Variants in CACNA1C observed in about 807,000 individuals in gnomAD.
CACNA1C encodes calcium voltage-gated channel subunit alpha1 C.
A neutral mutation model predicts 229.0 loss-of-function variants in CACNA1C; 30 were observed. That is an observed-to-expected ratio of 0.13 (90% CI 0.10 to 0.18). The LOEUF is 0.18. Ranked by LOEUF, CACNA1C falls within the 10% of genes least tolerant of loss-of-function variation. The probability of loss-of-function intolerance (pLI) is 1.00; values close to 1 mark genes in which losing one functional copy is unlikely to be tolerated. For synonymous variants in CACNA1C, 1,114 were observed against 1,132.5 expected (o/e 0.98, Z 0.33); for missense variants, 1,658 against 2,845.0 (o/e 0.58, Z 9.49).
intron 8 of CACNA1C, among the ~76,000 whole-genome samples, chr12:2,510,711 C>G (rs1480406255): frequency 6.6e-6 from 1 of 152,186 alleles, no homozygotes; most frequent in African/African-American, 2.4e-5. Context: ...CTCAAAAGAG[C>G]TGAAGTGAGC....
At chr12:2,530,913 C>G (rs1053044672) in intron 9 of CACNA1C, among the ~76,000 whole-genome samples, 4 of 152,312 alleles carry the variant, frequency 2.6e-5, no homozygotes, top group African/African-American at 9.6e-5. Flanking sequence ...TGCTGTATCC[C>G]TTCCAGTAAG....
At chr12:2,041,527 C>T (rs1299999758) in intron 1 of CACNA1C, among the ~76,000 whole-genome samples, 3 of 152,076 alleles carry the variant, frequency 2.0e-5, no homozygotes, top group Admixed American at 6.5e-5. Context: ...CTGCCCGCCT[C>T]GGCCTCCCAA....
intron 1 of CACNA1C, among the ~76,000 whole-genome samples, chr12:1,984,804 T>G (rs968899650): frequency 1.4e-4 from 18 of 130,796 alleles, no homozygotes; most frequent in Non-Finnish European, 2.3e-4. Context: ...AAAAAAAAGG[T>G]TCTTTTTATG....
chr12:2,380,219 GA>G (rs1301805053), intron 3 of CACNA1C, among the ~76,000 whole-genome samples: 12 of 152,060 alleles, frequency 7.9e-5, no homozygotes, highest in African/African-American at 2.9e-4. Context: ...CTGGAAGACA[GA>G]TGTCGTCCTG....
At chr12:2,631,895 C>T (rs979259331) in intron 29 of CACNA1C, among the ~76,000 whole-genome samples, 60 of 152,260 alleles carry the variant, frequency 3.9e-4, no homozygotes, top group African/African-American at 1.4e-3. Context: ...GTCTTTCGGT[C>T]CCTCTGGAAA....
At chr12:2,470,780 CCTAT>C (rs2099587384) in intron 5 of CACNA1C, among the ~76,000 whole-genome samples, 1 of 152,206 alleles carries the variant, frequency 6.6e-6, no homozygotes, top group Admixed American at 6.5e-5. Flanking sequence ...GGTCCAACTC[CCTAT>C]CTGTCTACCT....
intron 3 of CACNA1C, among the ~76,000 whole-genome samples, chr12:2,361,599 T>C (rs2097560403): frequency 6.6e-6 from 1 of 152,104 alleles, no homozygotes; most frequent in South Asian, 2.1e-4. Context: ...AAGCCAAGCA[T>C]TGAGGATGGC....
chr12:2,473,949 G>A (rs758219752), intron 5 of CACNA1C, among the ~76,000 whole-genome samples: 18 of 152,100 alleles, frequency 1.2e-4, no homozygotes, highest in Non-Finnish European at 2.6e-4. Flanking sequence ...CCGTAAGTTG[G>A]CAGCAATGAA....
intron 5 of CACNA1C, among the ~76,000 whole-genome samples, chr12:2,469,077 T>G (rs1258563648): frequency 6.6e-6 from 1 of 152,226 alleles, no homozygotes; most frequent in Non-Finnish European, 1.5e-5. Context: ...GCCATTTCTG[T>G]TGGGGGTACC....
intron 3 of CACNA1C, among the ~76,000 whole-genome samples, chr12:2,232,110 G>A (rs553726603): frequency 2.0e-5 from 3 of 151,290 alleles, no homozygotes; most frequent in African/African-American, 7.3e-5. Context: ...GATCTTACGA[G>A]TTTCTCCACT....
At chr12:2,628,370 CCT>C (rs2088300713) in intron 29 of CACNA1C, among the ~76,000 whole-genome samples, 1 of 152,196 alleles carries the variant, frequency 6.6e-6, no homozygotes, top group Admixed American at 6.5e-5. Flanking sequence ...CAACCTGCAC[CCT>C]GTCGCCAATC....
intron 3 of CACNA1C, among the ~76,000 whole-genome samples, chr12:2,423,730 G>A (rs866709692): frequency 2.0e-5 from 3 of 152,162 alleles, no homozygotes; most frequent in Non-Finnish European, 2.9e-5. Context: ...AATTTACTGC[G>A]CTGTGTCTAC....
rs1321689382 is a variant in CACNA1C, at chr12:2,639,456, A to G, written c.3912+5076A>G. Among the ~76,000 whole-genome samples the G allele has an allele frequency of 1.3e-5, 2 of 152,212 alleles. No individual in the cohort carries two copies. Among genetic ancestry groups the G allele is most frequent in the Non-Finnish European group, 2.9e-5 (2 of 68,036 alleles). The stretch of plus-strand genomic sequence containing the variant: ...TACTGAACAATAGAAAGTGCTGGGC[A>G]GCCTGAATTCCTGCATTATGGACAT... On this transcript the variant is annotated intron_variant, in intron 30 of 46. Transcript: ENST00000399655. The surrounding 1 kb of genome is among the most constrained non-coding windows in gnomAD (Gnocchi z 4.2).
chr12:2,568,225 C>A (rs2052329350), intron 13 of CACNA1C, among the ~76,000 whole-genome samples: 1 of 152,130 alleles, frequency 6.6e-6, no homozygotes, highest in Non-Finnish European at 1.5e-5. Flanking sequence ...AAAGGGCCGA[C>A]CACCCCGGCC....
At chr12:2,581,853 T>A in intron 14 of CACNA1C, 56 bp downstream of exon 14, 2 of 1,121,114 alleles carry the variant, frequency 1.8e-6, no homozygotes, top group South Asian at 2.7e-5. Context: ...GGCGGGGTGG[T>A]GGGAGGAGTG....
chr12:2,582,800 T>C, intron 14 of CACNA1C, 22 bp from the exon 15 acceptor site: 1 of 1,613,138 alleles, frequency 6.2e-7, no homozygotes, highest in Non-Finnish European at 8.5e-7. Flanking sequence ...GTGTCCCTTA[T>C]TGGTGGGAAT....
rs749674325 is a variant in CACNA1C, at chr12:2,688,649, C to T, written c.5987C>T (p.Ala1996Val). Reference protein sequence around the residue: ...SFPSIHCGSWAETTPGGGGSS... With the variant: ...SFPSIHCGSWVETTPGGGGSS... ...CCATCCATCCACTGCGGCTCCTGGG[C>T]TGAGACCACCCCCGGTGGCGGGGGC... Residue 1996 changes from alanine (A) to valine (V), a missense_variant, in exon 46 of 47, where the codon GCT becomes GTT. By Grantham distance (64) the Ala-to-Val change is moderately conservative (BLOSUM62 0). Around this residue, in one of 20 missense-constraint regions of CACNA1C, gnomAD observed 590 missense variants for 700.8 expected, o/e 0.84. Coordinates refer to ENST00000399655, the MANE Select transcript of CACNA1C (RefSeq NM_000719.7). 6.2e-6 allele frequency: 10 copies of T among 1,613,848 alleles called. No homozygotes were observed. The South Asian group carries it at 1.1e-4, about 18-fold the overall frequency.
intron 3 of CACNA1C, among the ~76,000 whole-genome samples, chr12:2,243,504 A>C (rs950549319): frequency 4.6e-5 from 7 of 152,216 alleles, no homozygotes; most frequent in African/African-American, 1.4e-4. Flanking sequence ...TGCTGCCATC[A>C]GTGCGATCAC....
intron 1 of CACNA1C, among the ~76,000 whole-genome samples, chr12:1,996,649 A>C (rs12301102): frequency 8.5e-5 from 4 of 46,888 alleles, no homozygotes; most frequent in South Asian, 5.3e-4. Context: ...AAAAAAAAAA[A>C]AAAAAACAAC....
Sources: allele counts gnomAD v4.1 joint callset (sites outside exome capture counted in the v4.1 genomes callset), GRCh38; gene constraint gnomAD v4.1.1; regional missense constraint gnomAD v4.1.1; non-coding constraint Gnocchi (gnomAD v3.1); transcripts MANE v1.5; gene names NCBI Gene and HGNC (gene_info 2026-07-23, HGNC 2026-07-21).